The following RBPMS variants were observed in gnomAD, a reference collection of about 807,000 sequenced individuals.
RBPMS encodes RNA-binding protein with multiple splicing.
In RBPMS, 7 loss-of-function variants were observed where a neutral mutation model predicts 26.8. The observed-to-expected ratio is 0.26, with a 90% CI of 0.15 to 0.49. RBPMS has a LOEUF of 0.49. Among genes scored for constraint, RBPMS ranks in the 20% least tolerant of loss-of-function variants. RBPMS has a pLI of 0.98. For missense variants in RBPMS, 186 were observed against 250.0 expected, an observed-to-expected ratio of 0.74 and a Z score of 1.73; for synonymous variants, 96 against 93.3, an observed-to-expected ratio of 1.03 and a Z score of -0.17.
At chr8:30,478,711 G>T (rs1354247624) in intron 3 of RBPMS, among the ~76,000 whole-genome samples, 1 of 152,138 alleles carries the variant, frequency 6.6e-6, no homozygotes, top group Non-Finnish European at 1.5e-5. Flanking sequence ...TGTTGGCCAG[G>T]ATGGTCTTGA....
intron 1 of RBPMS, among the ~76,000 whole-genome samples, 180 bp from the exon 2 acceptor site, chr8:30,474,599 G>GA (rs1264462736): frequency 1.3e-5 from 2 of 151,818 alleles, no homozygotes; most frequent in African/African-American, 2.4e-5. Context: ...ATTTAAAAAG[G>GA]AAAAAAAAGT....
At chr8:30,448,266 A>T (rs1233518529) in intron 1 of RBPMS, among the ~76,000 whole-genome samples, 1 of 152,198 alleles carries the variant, frequency 6.6e-6, no homozygotes, top group Non-Finnish European at 1.5e-5. Context: ...GACATTTTTC[A>T]CATGCCCTTA....
intron 5 of RBPMS, among the ~76,000 whole-genome samples, chr8:30,516,903 T>TACACACACACACACACACACAC (rs139256402): frequency 0.04 from 5,854 of 146,894 alleles, 204 homozygotes; most frequent in East Asian, 0.11. Flanking sequence ...CATCTCTAAA[T>TACACACACACACACACACACAC]ACACACACAC....
intron 8 of RBPMS, among the ~76,000 whole-genome samples, chr8:30,566,584 G>T (rs538386385): frequency 6.6e-6 from 1 of 152,340 alleles, no homozygotes; most frequent in South Asian, 2.1e-4. Context: ...CCCAGTATTT[G>T]GTGCTCACCA....
At chr8:30,521,233 G>T (rs909162625) in intron 5 of RBPMS, among the ~76,000 whole-genome samples, 1 of 152,202 alleles carries the variant, frequency 6.6e-6, no homozygotes, top group African/African-American at 2.4e-5. Flanking sequence ...GAAATGGAAT[G>T]TATAGACAGG....
At chr8:30,459,927 G>T (rs1266557293) in intron 1 of RBPMS, among the ~76,000 whole-genome samples, 2 of 152,010 alleles carry the variant, frequency 1.3e-5, no homozygotes, top group Non-Finnish European at 2.9e-5. Context: ...TTTCCAGCAG[G>T]CACATAACAT....
Position 30,556,730 on chromosome 8 carries a change from A to G in RBPMS, c.529-2157A>G, listed in dbSNP as rs890088986. On this transcript the variant is annotated intron_variant, in intron 6 of 8. Coordinates refer to ENST00000397323, the MANE Select transcript of RBPMS (RefSeq NM_001008710.3). The stretch of plus-strand genomic sequence containing the variant: ...CCTTTCCCACCTGTCTCAGGAAGGC[A>G]GCTCCAACTCTGCTCTTTGCTTAGT... The G allele has an allele frequency of 4.1e-6, 4 of 985,818 alleles. No individual in the cohort carries two copies. In the Admixed American group the frequency reaches 2.5e-4, roughly 61 times the overall value. 61.1% of individuals were successfully genotyped at this position (985,818 alleles called of 1,614,324 possible). A position where few individuals can be genotyped will look rare whatever the true frequency, so the allele number is the denominator to read the frequency against.
chr8:30,479,485 A>G (rs1818050875), intron 4 of RBPMS, 108 bp downstream of exon 4: 2 of 809,804 alleles, frequency 2.5e-6, no homozygotes. Flanking sequence ...TGCACAGTCT[A>G]AGAGGGAGGG....
chr8:30,500,892 G>A (rs1820488139), intron 4 of RBPMS, among the ~76,000 whole-genome samples: 1 of 152,000 alleles, frequency 6.6e-6, no homozygotes, highest in Admixed American at 6.6e-5. Context: ...CTGCTCTAAT[G>A]GTTTCATATC....
chr8:30,549,803 C>G (rs1255328404), intron 6 of RBPMS, among the ~76,000 whole-genome samples: 1 of 77,504 alleles, frequency 1.3e-5, no homozygotes, highest in Non-Finnish European at 2.6e-5. Flanking sequence ...TCTCCCCTCT[C>G]TCCTCTCTCT....
intron 4 of RBPMS, among the ~76,000 whole-genome samples, chr8:30,487,913 AC>A (rs1314907549): frequency 6.6e-6 from 1 of 152,150 alleles, no homozygotes; most frequent in Non-Finnish European, 1.5e-5. Context: ...GCTTTGAGTA[AC>A]CTGGTCATTG....
chr8:30,527,639 T>G (rs1823734359), intron 5 of RBPMS, among the ~76,000 whole-genome samples: 1 of 152,036 alleles, frequency 6.6e-6, no homozygotes, highest in South Asian at 2.1e-4. Context: ...TTTACCAGAC[T>G]ATTCCCAGCC....
chr8:30,568,315 G>A (rs1828039205), intron 8 of RBPMS, among the ~76,000 whole-genome samples: 1 of 152,164 alleles, frequency 6.6e-6, no homozygotes, highest in African/African-American at 2.4e-5. Flanking sequence ...TCAAGGAGCT[G>A]CAGATGGATC....
chr8:30,560,973 G>A (rs1482523852), intron 7 of RBPMS, among the ~76,000 whole-genome samples: 2 of 152,102 alleles, frequency 1.3e-5, no homozygotes, highest in East Asian at 1.9e-4. Flanking sequence ...AGCTTTTCTT[G>A]TACTACTTGT....
At chr8:30,560,537 G>T (rs901435186) in intron 7 of RBPMS, among the ~76,000 whole-genome samples, 1 of 152,142 alleles carries the variant, frequency 6.6e-6, no homozygotes, top group East Asian at 1.9e-4. Context: ...AGCTAAAATT[G>T]TATCTACTCT....
At position 30,426,411 on chromosome 8, in the gene RBPMS, T is replaced by C. The variant is rs563983543; in HGVS notation, c.66+41253T>C. On this transcript the variant is annotated intron_variant, in intron 1 of 8. Transcript: ENST00000397323. Reference sequence around the variant, plus strand: ...CAGCTTCCTGCATTTTCCTACTGTTTTCACTGTTTAGACGGGAGGCTTTTC... The same window carrying C: ...CAGCTTCCTGCATTTTCCTACTGTTCTCACTGTTTAGACGGGAGGCTTTTC... 1.1e-4 allele frequency among the ~76,000 whole-genome samples: 17 copies of C among 152,330 alleles called. No homozygotes were observed. The South Asian group carries it at 3.5e-3, about 32-fold the overall frequency.
At chr8:30,510,863 A>G (rs531461627) in intron 5 of RBPMS, among the ~76,000 whole-genome samples, 8 of 151,828 alleles carry the variant, frequency 5.3e-5, no homozygotes, top group Admixed American at 2.0e-4. Context: ...GTGAGCCATG[A>G]CTCACTTCTT....
In RBPMS at chr8:30,504,348, G is replaced by C. The variant is rs373255029; in HGVS notation, c.309G>C (p.Thr103=). 1 of 1,614,154 alleles carries C rather than the reference G, an allele frequency of 6.2e-7. No homozygotes were observed. The highest frequency in any genetic ancestry group is 8.5e-7 in the Non-Finnish European group (1 of 1,179,980). ...TLRLEFAKAN[T]KMAKNKLVGT... ...GACTAGAGTTTGCTAAGGCAAACACGAAGATGGCCAAGAACAAACTCGTAG... is the reference window on the plus strand; with the variant it reads ...GACTAGAGTTTGCTAAGGCAAACACCAAGATGGCCAAGAACAAACTCGTAG... Residue 103 remains threonine (T), a synonymous_variant, in exon 5 of 9, where the codon ACG becomes ACC. Transcript: ENST00000397323.
chr8:30,430,630 T>C (rs554869769), intron 1 of RBPMS, among the ~76,000 whole-genome samples: 1 of 152,346 alleles, frequency 6.6e-6, no homozygotes, highest in African/African-American at 2.4e-5. Context: ...TCCTAGTAGC[T>C]ATCTCACTTA....
Sources: gnomAD v4.1 joint callset for allele counts (sites outside exome capture counted in the v4.1 genomes callset) on GRCh38, gnomAD v4.1.1 for gene constraint, MANE v1.5 for transcripts, NCBI Gene and HGNC (gene_info 2026-07-23, HGNC 2026-07-21) for gene names.